SCAI: variants seen among roughly 807,000 people sequenced by gnomAD.
SCAI encodes the protein protein SCAI.
SCAI carries 24 observed loss-of-function variants against 92.2 expected under a neutral mutation model. That is an observed-to-expected ratio of 0.26 (90% CI 0.19 to 0.37). SCAI has a LOEUF of 0.37. SCAI is among the 10% of genes least tolerant of loss of function. SCAI has a pLI of 1.00. For missense variants in SCAI, 450 were observed against 736.2 expected, an observed-to-expected ratio of 0.61 and a Z score of 4.50; for synonymous variants, 261 against 258.6, an observed-to-expected ratio of 1.01 and a Z score of -0.09.
intron 13 of SCAI, 34 bp from the exon 14 acceptor site, chr9:124,995,049 T>C: frequency 6.8e-7 from 1 of 1,472,358 alleles, no homozygotes; most frequent in Non-Finnish European, 9.4e-7. Context: ...TGTTAAACTG[T>C]GTCAGCCACA....
At chr9:125,142,997 CG>C (rs1835704495) in intron 1 of SCAI, among the ~76,000 whole-genome samples, 1 of 151,390 alleles carries the variant, frequency 6.6e-6, no homozygotes, top group African/African-American at 2.4e-5. Flanking sequence ...TCGTCACCCC[CG>C]CAAGCCCCCC....
chr9:124,977,860 C>T (rs1831793290), intron 14 of SCAI, among the ~76,000 whole-genome samples: 1 of 151,978 alleles, frequency 6.6e-6, no homozygotes, highest in African/African-American at 2.4e-5. Flanking sequence ...AACTGAATAG[C>T]CATCTAAAAG....
At chr9:125,006,044 G>C (rs1477308467) in intron 9 of SCAI, among the ~76,000 whole-genome samples, 2 of 152,164 alleles carry the variant, frequency 1.3e-5, no homozygotes, top group Non-Finnish European at 2.9e-5. Flanking sequence ...CCCAAGTTTT[G>C]AGGGAAAAAG....
At chr9:125,129,353 A>C (rs896591781) in intron 2 of SCAI, among the ~76,000 whole-genome samples, 57 of 151,732 alleles carry the variant, frequency 3.8e-4, no homozygotes, top group Non-Finnish European at 4.9e-4. Context: ...AGGCAGGAGA[A>C]TCGCTTGAAC....
chr9:124,975,312 G>A, intron 15 of SCAI: 1 of 456,570 alleles, frequency 2.2e-6, no homozygotes, highest in Non-Finnish European at 4.4e-6. Context: ...CACTTCCTGT[G>A]TCAAACTATG....
At chr9:125,095,759 C>T (rs73577896) in intron 2 of SCAI, among the ~76,000 whole-genome samples, 2,395 of 152,124 alleles carry the variant, frequency 0.016, 74 homozygotes, top group African/African-American at 0.055. Flanking sequence ...TCTTGGACCA[C>T]GTGGATGTGG....
intron 3 of SCAI, among the ~76,000 whole-genome samples, chr9:125,036,541 C>A (rs1219558384): frequency 6.6e-6 from 1 of 152,104 alleles, no homozygotes; most frequent in Non-Finnish European, 1.5e-5. Flanking sequence ...GATGTTTTAG[C>A]CAATACTACT....
At chr9:125,083,265 C>T (rs1414685868) in intron 2 of SCAI, among the ~76,000 whole-genome samples, 1 of 152,118 alleles carries the variant, frequency 6.6e-6, no homozygotes, top group African/African-American at 2.4e-5. Flanking sequence ...TGCCTGTAAT[C>T]CCAGCACTTT....
chr9:124,979,820 C>T (rs755056443), intron 14 of SCAI, among the ~76,000 whole-genome samples: 6 of 152,172 alleles, frequency 3.9e-5, no homozygotes, highest in East Asian at 1.9e-4. Context: ...GAGGCCCAGG[C>T]GGGCGGATCA....
rs1835694524 is a variant in SCAI at position 125,142,636 on chromosome 9, C to T, written c.95G>A (p.Ser32Asn). The change falls in exon 2 of 18, where the codon AGC becomes AAC. Residue 32 changes from serine to asparagine, a missense_variant. Transcript: ENST00000336505. ...TVEKPPRKRR[S>N]RTEFALKEIM... ...AAATAGGAAGGCACTGCCTTACCTG[C>T]TTCTCCGTTTTCGAGGCGGTTTCTC... is the stretch of plus-strand genomic sequence containing the variant. 1.2e-6 allele frequency: 2 copies of T among 1,613,718 alleles called. No individual in the cohort carries two copies. The highest frequency in any genetic ancestry group is 1.7e-4 in the Middle Eastern group (1 of 6,060).
intron 2 of SCAI, among the ~76,000 whole-genome samples, chr9:125,084,069 G>A (rs1012222951): frequency 6.6e-6 from 1 of 151,010 alleles, no homozygotes; most frequent in South Asian, 2.1e-4. Context: ...GGAACGAGAG[G>A]GTCTGTCTAA....
intron 2 of SCAI, among the ~76,000 whole-genome samples, chr9:125,058,527 C>T (rs1288871914): frequency 6.6e-6 from 1 of 152,090 alleles, no homozygotes; most frequent in Non-Finnish European, 1.5e-5. Flanking sequence ...AAAAAATAAA[C>T]TGTAAGTATG....
intron 3 of SCAI, among the ~76,000 whole-genome samples, chr9:125,033,634 T>C (rs1833129371): frequency 6.6e-6 from 1 of 152,174 alleles, no homozygotes; most frequent in Non-Finnish European, 1.5e-5. Context: ...TTGGGGATAA[T>C]GAATGTTCTA....
chr9:125,057,472 G>A (rs531202644), intron 2 of SCAI, among the ~76,000 whole-genome samples: 4 of 152,284 alleles, frequency 2.6e-5, no homozygotes, highest in Non-Finnish European at 5.9e-5. Context: ...CTCAAAGAAT[G>A]TCAAAATAAT....
At chr9:125,140,494 C>T (rs1390332662) in intron 2 of SCAI, among the ~76,000 whole-genome samples, 1 of 152,156 alleles carries the variant, frequency 6.6e-6, no homozygotes, top group African/African-American at 2.4e-5. Flanking sequence ...CATCACTGCA[C>T]TCCAGTACGG....
intron 3 of SCAI, among the ~76,000 whole-genome samples, 157 bp downstream of exon 3, chr9:125,055,719 A>C (rs1259608395): frequency 6.6e-6 from 1 of 152,158 alleles, no homozygotes; most frequent in African/African-American, 2.4e-5. Context: ...TTATCCAAGA[A>C]TTTTAAAAAT....
chr9:125,062,963 T>A (rs191506655), intron 2 of SCAI, among the ~76,000 whole-genome samples: 6 of 139,982 alleles, frequency 4.3e-5, no homozygotes, highest in Non-Finnish European at 9.0e-5. Flanking sequence ...GAGGTTGCAG[T>A]GAGTCCAGAT....
Position 125,019,578 on chromosome 9 carries a change from T to C in SCAI, c.610-373A>G, listed in dbSNP as rs1832828302. ...CCTTTGGGAGGTCGAGGTGGGAGGA[T>C]CATTTGAGGCCAAGATTTCGAGAGC... On this transcript the variant is annotated intron_variant, in intron 7 of 17. Coordinates refer to ENST00000336505, the MANE Select transcript of SCAI (RefSeq NM_001144877.3). Among the ~76,000 whole-genome samples, 4 of 152,008 alleles carry C rather than the reference T, an allele frequency of 2.6e-5. No individual in the cohort carries two copies. The South Asian group carries it at 8.3e-4, about 32-fold the overall frequency.
intron 2 of SCAI, among the ~76,000 whole-genome samples, chr9:125,116,641 A>G (rs1423587974): frequency 6.6e-6 from 1 of 152,084 alleles, no homozygotes; most frequent in Non-Finnish European, 1.5e-5. Flanking sequence ...GACAAAACCC[A>G]CCAATAATAT....
Sources: allele counts gnomAD v4.1 joint callset (sites outside exome capture counted in the v4.1 genomes callset), GRCh38; gene constraint gnomAD v4.1.1; transcripts MANE v1.5; gene names NCBI Gene and HGNC (gene_info 2026-07-23, HGNC 2026-07-21).